The following GSN variants were observed in gnomAD, a reference collection of about 807,000 sequenced individuals.
GSN encodes actin-depolymerizing factor.
Under a neutral mutation model 85.7 loss-of-function variants are expected in GSN, and 56 were observed. The ratio of observed to expected loss-of-function variants is 0.65; its 90% CI spans 0.53 to 0.82. GSN has a LOEUF of 0.82. Among genes scored for constraint, GSN ranks in the 40% least tolerant of loss-of-function variants. The probability of loss-of-function intolerance (pLI) is 0.00; values close to 1 mark genes in which losing one functional copy is unlikely to be tolerated. For missense variants in GSN, 857 were observed against 979.8 expected (o/e 0.87, Z 1.67); for synonymous variants, 373 against 399.1 (o/e 0.93, Z 0.78).
At chr9:121,242,981 A>G (rs1308347455) in intron 5 of GSN, among the ~76,000 whole-genome samples, 3 of 152,194 alleles carry the variant, frequency 2.0e-5, no homozygotes, top group Non-Finnish European at 4.4e-5. Flanking sequence ...CACAACCCCT[A>G]TGGAGGGTAC....
chr9:121,307,545 C>T (rs3789316), intron 4 of GSN, among the ~76,000 whole-genome samples: 8,953 of 152,210 alleles, frequency 0.059, 530 homozygotes, highest in Admixed American at 0.14. Context: ...CCAGCACTGC[C>T]GCCCAGCACT....
chr9:121,229,370 G>T (rs903703912), intron 4 of GSN, among the ~76,000 whole-genome samples: 2 of 152,084 alleles, frequency 1.3e-5, no homozygotes, highest in East Asian at 3.9e-4. Context: ...GCAGGCATGC[G>T]CCACCACACC....
intron 4 of GSN, among the ~76,000 whole-genome samples, chr9:121,217,532 C>G (rs918342058): frequency 1.3e-5 from 2 of 152,070 alleles, no homozygotes; most frequent in Non-Finnish European, 2.9e-5. Context: ...TCCTCCCAAC[C>G]TAAACCCTCC....
chr9:121,208,912 C>A (rs915578438), intron 1 of GSN, among the ~76,000 whole-genome samples: 5 of 152,250 alleles, frequency 3.3e-5, no homozygotes, highest in Non-Finnish European at 7.3e-5. Context: ...AAGGTGAGGA[C>A]AGGGACCATC....
chr9:121,324,599 C>T lies in GSN; in HGVS notation c.1371C>T (p.Ile457=), dbSNP rs1318427033. ...AGGATGAGGTCGCTGCATCTGCCAT[C>T]CTGACTGCTCAGCTGGATGAGGAGC... ...STQDEVAASA[I]LTAQLDEELG... Residue 457 remains isoleucine, a synonymous_variant, in exon 12 of 18, where the codon ATC becomes ATT. Coordinates refer to ENST00000432226, the MANE Select transcript of GSN (RefSeq NM_198252.3). 3.2e-6 allele frequency: 5 copies of T among 1,547,454 alleles called. No homozygotes were observed. Among genetic ancestry groups the T allele is most frequent in the Admixed American group, 3.9e-5 (2 of 51,170 alleles).
intron 5 of GSN, among the ~76,000 whole-genome samples, chr9:121,233,283 G>T (rs1477793370): frequency 1.3e-5 from 2 of 151,956 alleles, no homozygotes; most frequent in Non-Finnish European, 2.9e-5. Context: ...GATTAACATG[G>T]TGAAACCCCG....
chr9:121,248,856 G>A (rs568949889), intron 6 of GSN, among the ~76,000 whole-genome samples: 3 of 152,338 alleles, frequency 2.0e-5, no homozygotes, highest in Admixed American at 6.5e-5. Context: ...CTAGATCAAG[G>A]AAGGCCTTGG....
upstream of GSN, among the ~76,000 whole-genome samples, chr9:121,204,506 A>G (rs2053852140): frequency 6.6e-6 from 1 of 152,224 alleles, no homozygotes; most frequent in South Asian, 2.1e-4. Flanking sequence ...AACAGTAGGA[A>G]TGGTCAATTC....
chr9:121,242,937 A>G (rs2054633257), intron 5 of GSN, among the ~76,000 whole-genome samples: 1 of 152,210 alleles, frequency 6.6e-6, no homozygotes. Context: ...GGAAAGGGTG[A>G]TGTACCTACA....
chr9:121,288,859 C>T (rs2058402814), intron 2 of GSN, among the ~76,000 whole-genome samples: 1 of 152,172 alleles, frequency 6.6e-6, no homozygotes. Flanking sequence ...TCACATGGTG[C>T]ATGAAGCATG....
At chr9:121,204,127 C>T, upstream of GSN, among the ~76,000 whole-genome samples, 1 of 152,218 alleles carries the variant, frequency 6.6e-6, no homozygotes, top group East Asian at 1.9e-4. Flanking sequence ...TTATTCAACA[C>T]TTACTATGTA....
intron 4 of GSN, among the ~76,000 whole-genome samples, chr9:121,228,425 T>TATATATATATATATATATATATA (rs1491358330): frequency 6.2e-4 from 12 of 19,454 alleles, no homozygotes; most frequent in African/African-American, 9.5e-4. Flanking sequence ...TATATATATA[T>TATATATATATATATATATATATA]TTTTTTTTTT....
chr9:121,293,132 T>C (rs2058852082), intron 2 of GSN, among the ~76,000 whole-genome samples: 2 of 152,186 alleles, frequency 1.3e-5, no homozygotes, highest in African/African-American at 4.8e-5. Flanking sequence ...ATTGTCCCCA[T>C]CGGGAAGGTG....
intron 10 of GSN, among the ~76,000 whole-genome samples, chr9:121,320,769 A>G (rs1453314751): frequency 6.6e-6 from 1 of 152,198 alleles, no homozygotes; most frequent in African/African-American, 2.4e-5. Flanking sequence ...TGCCACCTAC[A>G]GAGCAGTCCC....
chr9:121,219,436 G>C (rs964454981), intron 4 of GSN, among the ~76,000 whole-genome samples: 2 of 152,044 alleles, frequency 1.3e-5, no homozygotes, highest in African/African-American at 4.8e-5. Context: ...TGATAGCATT[G>C]AGACAGGAAT....
chr9:121,225,181 A>G (rs891539373), intron 4 of GSN, among the ~76,000 whole-genome samples: 26 of 152,262 alleles, frequency 1.7e-4, no homozygotes, highest in African/African-American at 4.3e-4. Context: ...AGTTTCTTCT[A>G]TAATTTATAA....
chr9:121,260,473 A>C (rs974194042), intron 6 of GSN, among the ~76,000 whole-genome samples: 3 of 152,372 alleles, frequency 2.0e-5, no homozygotes, highest in Admixed American at 2.0e-4. Flanking sequence ...ACTTGACCTA[A>C]GAGCTAACGT....
chr9:121,207,505 A>C (rs1186703802), upstream of GSN, among the ~76,000 whole-genome samples: 1 of 152,242 alleles, frequency 6.6e-6, no homozygotes, highest in Non-Finnish European at 1.5e-5. Context: ...AGCCTGCCCT[A>C]CAAACATCCT....
At chr9:121,218,614 A>G (rs1374909453) in intron 4 of GSN, among the ~76,000 whole-genome samples, 1 of 152,190 alleles carries the variant, frequency 6.6e-6, no homozygotes, top group Non-Finnish European at 1.5e-5. Flanking sequence ...CAGCCTAGGT[A>G]ACAGAGTGAG....
Sources: gnomAD v4.1 joint callset for allele counts (sites outside exome capture counted in the v4.1 genomes callset) on GRCh38, gnomAD v4.1.1 for gene constraint, MANE v1.5 for transcripts, NCBI Gene and HGNC (gene_info 2026-07-23, HGNC 2026-07-21) for gene names.